The following TLCD4 variants were observed in gnomAD, a reference collection of about 807,000 sequenced individuals.
The protein encoded by TLCD4 is TLC domain containing 4.
Under a neutral mutation model 24.2 loss-of-function variants are expected in TLCD4, and 7 were observed. That is an observed-to-expected ratio of 0.29 (90% CI 0.16 to 0.54). The LOEUF is 0.54. Ranked by LOEUF, TLCD4 falls within the 20% of genes least tolerant of loss-of-function variation. The probability of loss-of-function intolerance (pLI) is 0.95; values close to 1 mark genes in which losing one functional copy is unlikely to be tolerated. For missense variants in TLCD4, 259 were observed against 313.9 expected (o/e 0.82, Z 1.32); for synonymous variants, 103 against 106.4 (o/e 0.97, Z 0.20).
At chr1:95,187,711 T>C (rs561513996) in intron 6 of TLCD4, among the ~76,000 whole-genome samples, 3 of 152,304 alleles carry the variant, frequency 2.0e-5, no homozygotes, top group South Asian at 4.2e-4. Context: ...CCTTCCATAC[T>C]GTACACTTTG....
chr1:95,160,800 A>G (rs929859187), intron 5 of TLCD4, among the ~76,000 whole-genome samples: 15 of 152,174 alleles, frequency 9.9e-5, no homozygotes, highest in Admixed American at 8.5e-4. Flanking sequence ...ATGATGGATT[A>G]TGTTTATTGG....
chr1:95,139,631 T>C (rs1677146081), intron 1 of TLCD4, among the ~76,000 whole-genome samples: 1 of 151,844 alleles, frequency 6.6e-6, no homozygotes, highest in African/African-American at 2.4e-5. Context: ...GCTAATTTTT[T>C]GCATATTTAG....
intron 6 of TLCD4, among the ~76,000 whole-genome samples, chr1:95,188,334 G>A (rs1030476645): frequency 2.1e-5 from 3 of 142,342 alleles, no homozygotes; most frequent in Non-Finnish European, 4.5e-5. Context: ...CTTGCAGTGA[G>A]CCAAGATCGC....
At chr1:95,169,721 G>A (rs1678143502) in intron 5 of TLCD4, among the ~76,000 whole-genome samples, 1 of 151,918 alleles carries the variant, frequency 6.6e-6, no homozygotes, top group African/African-American at 2.4e-5. Flanking sequence ...TGTCACCTAG[G>A]CTGGTATGCA....
At chr1:95,176,374 A>G (rs1571775149) in intron 6 of TLCD4, among the ~76,000 whole-genome samples, 1 of 151,636 alleles carries the variant, frequency 6.6e-6, no homozygotes, top group South Asian at 2.1e-4. Flanking sequence ...TATTTTTCGT[A>G]GAAATGGGGT....
chr1:95,180,432 A>G (rs1349192148), intron 6 of TLCD4, among the ~76,000 whole-genome samples: 3 of 152,240 alleles, frequency 2.0e-5, no homozygotes, highest in Non-Finnish European at 2.9e-5. Flanking sequence ...GGAGATTGTA[A>G]CAATATTGAG....
rs1571801255 is a variant in TLCD4 at position 95,196,574 on chromosome 1, G to A, written c.*4706G>A. 1 of 152,102 alleles carries A rather than the reference G, an allele frequency of 6.6e-6. No homozygotes were observed. The highest frequency in any genetic ancestry group is 1.9e-4 in the East Asian group (1 of 5,190). The allele number at this position is 152,102 out of a possible 1,614,324, so 9.4% of individuals were successfully genotyped here. On this transcript the variant is annotated 3_prime_UTR_variant, in exon 7 of 7. Coordinates refer to ENST00000370203, the MANE Select transcript of TLCD4 (RefSeq NM_152487.3). ...AATTGAAAGCAGCTCCTAAAGATTG[G>A]TTTGTTTGCTTTGAAAATGTTTACA...
intron 2 of TLCD4, among the ~76,000 whole-genome samples, chr1:95,147,163 T>C (rs1405048556): frequency 6.6e-6 from 1 of 151,770 alleles, no homozygotes; most frequent in East Asian, 1.9e-4. Flanking sequence ...AACCTTTGCC[T>C]CCCAGGTTCA....
At chr1:95,129,729 G>T (rs1405275958) in intron 1 of TLCD4, among the ~76,000 whole-genome samples, 1 of 152,118 alleles carries the variant, frequency 6.6e-6, no homozygotes, top group Non-Finnish European at 1.5e-5. Context: ...GCAACAGAGT[G>T]AGATTCTGTG....
At chr1:95,160,066 G>C (rs1677742927) in intron 5 of TLCD4, among the ~76,000 whole-genome samples, 1 of 152,138 alleles carries the variant, frequency 6.6e-6, no homozygotes, top group Non-Finnish European at 1.5e-5. Context: ...GCTTGATGGG[G>C]ATGGCATTGA....
chr1:95,116,477 T>C (rs1382396332), upstream of TLCD4, among the ~76,000 whole-genome samples: 2 of 152,228 alleles, frequency 1.3e-5, no homozygotes, highest in Non-Finnish European at 2.9e-5. Flanking sequence ...GAAATAAATA[T>C]CCTGTTATCA....
At chr1:95,180,233 AT>A (rs1301491665) in intron 6 of TLCD4, among the ~76,000 whole-genome samples, 2 of 152,234 alleles carry the variant, frequency 1.3e-5, no homozygotes, top group Non-Finnish European at 2.9e-5. Context: ...TTTGACACTA[AT>A]AGGCACCTCC....
Position 95,173,881 on chromosome 1 carries a change from GAATC to G in TLCD4, c.467_470del (p.Asn156SerfsTer8), listed in dbSNP as rs1253242556. The G allele has an allele frequency of 6.2e-7, 1 of 1,613,998 alleles. No individual in the cohort carries two copies. ...TTGCAGAGCTTTCCAGCCCGTTTGT[GAATC>G]AGCGGTATGTTACTGATATCATTGA... On this transcript the variant is annotated frameshift_variant, in exon 6 of 7. Coordinates refer to ENST00000370203, the MANE Select transcript of TLCD4 (RefSeq NM_152487.3). LOFTEE classifies it low-confidence loss of function (END_TRUNC).
At chr1:95,161,181 G>T (rs1184792966) in intron 5 of TLCD4, among the ~76,000 whole-genome samples, 1 of 152,086 alleles carries the variant, frequency 6.6e-6, no homozygotes, top group African/African-American at 2.4e-5. Flanking sequence ...CAATTTCAGA[G>T]CCTGTTATTG....
chr1:95,111,067 G>A, the TLCD4 span, among the ~76,000 whole-genome samples: 1 of 151,964 alleles, frequency 6.6e-6, no homozygotes, highest in Non-Finnish European at 1.5e-5. Flanking sequence ...CAAAGCAGGA[G>A]GATTGCTTGA....
the TLCD4 span, among the ~76,000 whole-genome samples, chr1:95,105,893 TTAAAAA>T: frequency 9.7e-6 from 1 of 102,864 alleles, no homozygotes; most frequent in African/African-American, 3.2e-5. Flanking sequence ...AGACTCCGTC[TTAAAAA>T]AAAAAAAAAA....
rs1042357398 is a variant in TLCD4 at position 95,192,032 on chromosome 1, C to T, written c.*164C>T. On this transcript the variant is annotated 3_prime_UTR_variant, in exon 7 of 7. Coordinates refer to ENST00000370203, the MANE Select transcript of TLCD4 (RefSeq NM_152487.3). ...AAAGAGAAGGCCGGGCACGGTGGCT[C>T]ATGCCTGTAATCCCAGCACTTTGGG... 1.4e-6 allele frequency: 2 copies of T among 1,421,792 alleles called. No individual in the cohort carries two copies. The highest frequency in any genetic ancestry group is 1.5e-5 in the South Asian group (1 of 65,276). The allele number at this position is 1,421,792 out of a possible 1,614,324, so 88.1% of individuals were successfully genotyped here. A position where few individuals can be genotyped will look rare whatever the true frequency, so the allele number is the denominator to read the frequency against.
chr1:95,169,980 T>A (rs1186638972), intron 5 of TLCD4, among the ~76,000 whole-genome samples: 1 of 152,230 alleles, frequency 6.6e-6, no homozygotes, highest in African/African-American at 2.4e-5. Flanking sequence ...GTATTTGATC[T>A]TATCTTTGGA....
Position 95,117,469 on chromosome 1 carries a change from T to C in TLCD4, c.-160T>C, listed in dbSNP as rs931924190. The stretch of plus-strand genomic sequence containing the variant: ...AGCGGCCCGGAACCCGCGGCTTCCC[T>C]GGCTCCCGTGAGCATCTCACCGGGC... On this transcript the variant is annotated 5_prime_UTR_variant, in exon 1 of 7. Transcript: ENST00000370203. 2 of 151,832 alleles carry C rather than the reference T, an allele frequency of 1.3e-5. No individual in the cohort carries two copies. Among genetic ancestry groups the C allele is most frequent in the African/African-American group, 4.8e-5 (2 of 41,346 alleles). The allele number at this position is 151,832 out of a possible 1,614,324, so 9.4% of individuals were successfully genotyped here.
Sources: gnomAD v4.1 joint callset for allele counts (sites outside exome capture counted in the v4.1 genomes callset) on GRCh38, gnomAD v4.1.1 for gene constraint, MANE v1.5 for transcripts, NCBI Gene and HGNC (gene_info 2026-07-23, HGNC 2026-07-21) for gene names.